The following NID1 variants were observed in gnomAD, a reference collection of about 807,000 sequenced individuals.
The protein encoded by NID1 is nidogen 1, also known as nidogen-1.
NID1 carries 76 observed loss-of-function variants against 130.6 expected under a neutral mutation model. The ratio of observed to expected loss-of-function variants is 0.58; its 90% CI spans 0.48 to 0.70. The LOEUF is 0.70. Ranked by LOEUF, NID1 falls within the 30% of genes least tolerant of loss-of-function variation. The pLI is 0.00. For missense variants in NID1, 1,517 were observed against 1,664.8 expected (o/e 0.91, Z 1.54); for synonymous variants, 665 against 675.1 (o/e 0.98, Z 0.23).
chr1:236,055,384 GA>G (rs1659871009), intron 1 of NID1, among the ~76,000 whole-genome samples: 1 of 152,048 alleles, frequency 6.6e-6, no homozygotes, highest in Admixed American at 6.5e-5. Flanking sequence ...ATCAATGAAA[GA>G]AGATTAGTCT....
chr1:236,032,339 C>T, intron 6 of NID1, 62 bp downstream of exon 6: 1 of 1,573,430 alleles, frequency 6.4e-7, no homozygotes, highest in African/African-American at 1.3e-5. Flanking sequence ...TCCATCCATC[C>T]CCAGGCCTCC....
chr1:236,064,056 A>G (rs1572628927), intron 1 of NID1, among the ~76,000 whole-genome samples: 1 of 151,760 alleles, frequency 6.6e-6, no homozygotes, highest in African/African-American at 2.4e-5. Flanking sequence ...CCCCCGGCCA[A>G]CCCCCCACAC....
intron 5 of NID1, among the ~76,000 whole-genome samples, chr1:236,034,348 G>A (rs1659187012): frequency 6.7e-6 from 1 of 150,242 alleles, no homozygotes; most frequent in Non-Finnish European, 1.5e-5. Context: ...CTTGAACACA[G>A]GAGGCAGAGG....
intron 14 of NID1, 86 bp downstream of exon 14, chr1:235,990,800 T>C: frequency 1.4e-6 from 2 of 1,477,594 alleles, no homozygotes; most frequent in Non-Finnish European, 1.9e-6. Flanking sequence ...GGGTTGAGCC[T>C]GGGGTTCTGG....
intron 1 of NID1, among the ~76,000 whole-genome samples, chr1:236,061,141 C>T (rs1660025307): frequency 6.6e-6 from 1 of 152,048 alleles, no homozygotes; most frequent in Non-Finnish European, 1.5e-5. Context: ...AACAAGCAAC[C>T]AGCAAAATAA....
intron 12 of NID1, among the ~76,000 whole-genome samples, chr1:235,998,654 G>A (rs1052599179): frequency 2.0e-5 from 3 of 150,524 alleles, no homozygotes; most frequent in Admixed American, 2.0e-4. Context: ...CAGCCTGGAC[G>A]ACAAGAGCAA....
At chr1:236,019,698 A>G (rs1434171211) in intron 9 of NID1, among the ~76,000 whole-genome samples, 1 of 152,204 alleles carries the variant, frequency 6.6e-6, no homozygotes, top group Non-Finnish European at 1.5e-5. Context: ...CTGAGCTAAT[A>G]GTCCACGGTC....
intron 12 of NID1, among the ~76,000 whole-genome samples, chr1:235,994,589 A>G (rs1326946476): frequency 1.3e-5 from 2 of 152,212 alleles, no homozygotes; most frequent in African/African-American, 4.8e-5. Context: ...GTAGGGACAG[A>G]TCATATTTTG....
intron 15 of NID1, among the ~76,000 whole-genome samples, chr1:235,984,755 A>G (rs1657525155): frequency 6.6e-6 from 1 of 152,212 alleles, no homozygotes; most frequent in African/African-American, 2.4e-5. Context: ...TGGTCTTTCA[A>G]CTAGATAAAT....
At chr1:236,049,026 A>T (rs1485524260) in intron 1 of NID1, 37 bp from the exon 2 acceptor site, 5 of 1,601,036 alleles carry the variant, frequency 3.1e-6, no homozygotes, top group Non-Finnish European at 4.3e-6. Flanking sequence ...GGAATGCAGA[A>T]ACGGGTCCTT....
At position 235,979,003 on chromosome 1, in the gene NID1, C is replaced by T; in HGVS notation, c.3614G>A (p.Cys1205Tyr). ...LYGITTALSQ[C>Y]PQGHNYCSVN... Reference sequence around the variant, plus strand: ...CAGCACAGGAGAGTTACCTTGCGGACACTGAGACAGGGCCGTGGTGATGCC... The same window carrying T: ...CAGCACAGGAGAGTTACCTTGCGGATACTGAGACAGGGCCGTGGTGATGCC... The change falls in exon 19 of 20, where the codon TGT (cysteine) becomes TAT (tyrosine). Residue 1205 changes from cysteine (C) to tyrosine (Y), a missense_variant. Cys to Tyr is a radical substitution (Grantham distance 194, BLOSUM62 -2). This residue lies in a region of NID1 where 181 missense variants were observed against 211.3 expected (regional missense o/e 0.86). Transcript: ENST00000264187. The surrounding 1 kb of genome is among the most constrained non-coding windows in gnomAD (Gnocchi z 4.6). 6.2e-7 allele frequency: 1 copy of T among 1,611,688 alleles called. No individual in the cohort carries two copies.
chr1:235,997,780 A>T (rs1657969956), intron 12 of NID1, among the ~76,000 whole-genome samples: 2 of 151,618 alleles, frequency 1.3e-5, no homozygotes, highest in Admixed American at 1.3e-4. Context: ...CTAATTTTGA[A>T]TTTTTTTGGT....
chr1:236,034,767 T>C (rs1272039715), intron 5 of NID1, among the ~76,000 whole-genome samples: 1 of 152,186 alleles, frequency 6.6e-6, no homozygotes, highest in Non-Finnish European at 1.5e-5. Context: ...CCAAATTGTA[T>C]ACTTTAAAAA....
chr1:236,064,418 G>A lies in NID1; in HGVS notation c.225+437C>T, dbSNP rs118028580. ...CTCCCGCAGCCACAAGAGTCCCGGG[G>A]CCCGCGCGCAGACTGCGATCCAGCT... On this transcript the variant is annotated intron_variant, in intron 1 of 19. Transcript: ENST00000264187. The A allele has an allele frequency of 1.1e-4, 21 of 196,606 alleles. No individual in the cohort carries two copies. In the East Asian group the frequency reaches 3.6e-3, roughly 34 times the overall value. The allele number at this position is 196,606 out of a possible 1,614,324, so 12.2% of individuals were successfully genotyped here. A position where few individuals can be genotyped will look rare whatever the true frequency, so the allele number is the denominator to read the frequency against.
At chr1:236,007,216 T>C (rs1305181633) in intron 12 of NID1, among the ~76,000 whole-genome samples, 3 of 152,180 alleles carry the variant, frequency 2.0e-5, no homozygotes, top group Non-Finnish European at 2.9e-5. Flanking sequence ...AATTTTTTGA[T>C]AGAGATGGGG....
intron 12 of NID1, among the ~76,000 whole-genome samples, chr1:236,011,671 T>C (rs545018171): frequency 2.0e-5 from 3 of 152,290 alleles, no homozygotes; most frequent in East Asian, 3.9e-4. Context: ...CCCTTAGAAC[T>C]CTCCATGGAG....
At chr1:236,014,174 C>T (rs1375539129) in intron 10 of NID1, among the ~76,000 whole-genome samples, 1 of 152,096 alleles carries the variant, frequency 6.6e-6, no homozygotes, top group African/African-American at 2.4e-5. Context: ...GGGTCAACCA[C>T]ATGGCCTTAG....
intron 1 of NID1, among the ~76,000 whole-genome samples, chr1:236,062,091 A>G (rs1660052924): frequency 6.6e-6 from 1 of 151,966 alleles, no homozygotes; most frequent in African/African-American, 2.4e-5. Flanking sequence ...CCCAAGAGAA[A>G]TGAAACTTAT....
intron 12 of NID1, among the ~76,000 whole-genome samples, chr1:235,994,532 C>T (rs1196910696): frequency 1.3e-5 from 2 of 152,132 alleles, no homozygotes; most frequent in Admixed American, 1.3e-4. Flanking sequence ...CAGGTGGTAG[C>T]ATGTATTAGA....
Sources: gnomAD v4.1 joint callset for allele counts (sites outside exome capture counted in the v4.1 genomes callset) on GRCh38, gnomAD v4.1.1 for gene constraint, gnomAD v4.1.1 regional missense constraint, Gnocchi (gnomAD v3.1) non-coding constraint, MANE v1.5 for transcripts, NCBI Gene and HGNC (gene_info 2026-07-23, HGNC 2026-07-21) for gene names.